PPA2: variants seen among roughly 807,000 people sequenced by gnomAD.
The protein encoded by PPA2 is inorganic pyrophosphatase 2, also known as inorganic pyrophosphatase 2, mitochondrial.
A neutral mutation model predicts 49.5 loss-of-function variants in PPA2; 48 were observed. That is an observed-to-expected ratio of 0.97 (90% CI 0.77 to 1.23). PPA2 has a LOEUF of 1.23. Ranked by LOEUF, PPA2 falls within the 50% of genes most tolerant of loss-of-function variation. The pLI, the probability that PPA2 is intolerant of heterozygous loss-of-function variation, is 0.00. For missense variants in PPA2, 429 were observed against 410.1 expected (o/e 1.05, Z -0.40); for synonymous variants, 131 against 139.9 (o/e 0.94, Z 0.45).
intron 7 of PPA2, chr4:105,423,430 A>C (rs1443521421): frequency 6.6e-6 from 1 of 152,212 alleles, no homozygotes; most frequent in Non-Finnish European, 1.5e-5. Flanking sequence ...AATTGGTCAA[A>C]GAATAATAAT....
intron 10 of PPA2, among the ~76,000 whole-genome samples, chr4:105,372,795 A>C (rs1000152489): frequency 6.6e-6 from 1 of 152,238 alleles, no homozygotes; most frequent in East Asian, 1.9e-4. Flanking sequence ...CCAATTCCTT[A>C]TAATAAATCT....
intron 5 of PPA2, among the ~76,000 whole-genome samples, chr4:105,443,135 T>C (rs928922480): frequency 1.3e-5 from 2 of 151,882 alleles, no homozygotes; most frequent in Admixed American, 6.6e-5. Context: ...AAAAGGGAAA[T>C]AAAGTATGAG....
intron 7 of PPA2, among the ~76,000 whole-genome samples, chr4:105,416,758 G>A (rs757514796): frequency 3.9e-5 from 6 of 152,098 alleles, no homozygotes; most frequent in South Asian, 2.1e-4. Context: ...GCATATCTAC[G>A]TTTAACATTC....
In PPA2 at chr4:105,384,818, T is replaced by G. The variant is rs913626145; in HGVS notation, c.939+1749A>C. 2.6e-5 allele frequency among the ~76,000 whole-genome samples: 4 copies of G among 152,144 alleles called. No homozygotes were observed. The South Asian group carries it at 8.3e-4, about 31-fold the overall frequency. On this transcript the variant is annotated intron_variant, in intron 10 of 11. Transcript: ENST00000341695. ...TAAAATCAAAGTCAGATTAGACCAC[T>G]CCTTTGCTGAAAATATTTTAATGGT...
intron 9 of PPA2, among the ~76,000 whole-genome samples, chr4:105,387,098 T>C (rs756181970): frequency 3.9e-5 from 6 of 152,164 alleles, no homozygotes; most frequent in Non-Finnish European, 8.8e-5. Context: ...TATATGAATG[T>C]AAAGTTTGTT....
chr4:105,438,895 T>G (rs992426334), intron 5 of PPA2, among the ~76,000 whole-genome samples: 3 of 152,138 alleles, frequency 2.0e-5, no homozygotes, highest in Non-Finnish European at 4.4e-5. Context: ...TTTCCTTTAA[T>G]TTTATATAGA....
intron 6 of PPA2, among the ~76,000 whole-genome samples, chr4:105,433,043 T>G (rs1723884227): frequency 6.6e-6 from 1 of 152,218 alleles, no homozygotes; most frequent in African/African-American, 2.4e-5. Context: ...AAATAATGGT[T>G]TATAGACTAG....
chr4:105,438,363 T>G (rs532632061), intron 5 of PPA2, among the ~76,000 whole-genome samples: 1 of 152,366 alleles, frequency 6.6e-6, no homozygotes, highest in East Asian at 1.9e-4. Flanking sequence ...TCCCACTGTC[T>G]GTGCCCTTGT....
At chr4:105,455,232 G>C (rs1452300167) in intron 2 of PPA2, among the ~76,000 whole-genome samples, 1 of 151,000 alleles carries the variant, frequency 6.6e-6, no homozygotes, top group African/African-American at 2.5e-5. Context: ...TTAGCCAAAA[G>C]CAAAGAAAAG....
At chr4:105,410,082 T>C (rs1056218226) in intron 7 of PPA2, among the ~76,000 whole-genome samples, 3 of 152,184 alleles carry the variant, frequency 2.0e-5, no homozygotes, top group Non-Finnish European at 4.4e-5. Flanking sequence ...TGGACAGAAG[T>C]AGGCTTCAGA....
At chr4:105,399,005 G>A (rs201250792) in intron 8 of PPA2, 32 bp downstream of exon 8, 60 of 1,595,002 alleles carry the variant, frequency 3.8e-5, no homozygotes, top group Non-Finnish European at 4.7e-5. Flanking sequence ...GTATCAGGAG[G>A]TACATTTTAA....
chr4:105,457,429 A>G (rs1481928664), intron 1 of PPA2, among the ~76,000 whole-genome samples: 1 of 152,224 alleles, frequency 6.6e-6, no homozygotes, highest in Non-Finnish European at 1.5e-5. Flanking sequence ...AGAGCCCTAC[A>G]AAATTTTCAC....
intron 9 of PPA2, among the ~76,000 whole-genome samples, chr4:105,392,186 A>C (rs931611104): frequency 6.6e-6 from 1 of 152,168 alleles, no homozygotes; most frequent in Non-Finnish European, 1.5e-5. Context: ...CTTAGGTAAG[A>C]CTAGAAATTA....
At chr4:105,389,753 A>G (rs1733831875) in intron 9 of PPA2, among the ~76,000 whole-genome samples, 1 of 152,210 alleles carries the variant, frequency 6.6e-6, no homozygotes, top group Admixed American at 6.5e-5. Context: ...CCTCAAAGAC[A>G]GTGTTCAGGA....
intron 10 of PPA2, among the ~76,000 whole-genome samples, chr4:105,371,173 C>A (rs974040521): frequency 1.3e-5 from 2 of 152,126 alleles, no homozygotes; most frequent in African/African-American, 4.8e-5. Flanking sequence ...ATGGCTTCCG[C>A]AGCTAATGTC....
At chr4:105,461,220 G>A (rs533146917) in intron 1 of PPA2, among the ~76,000 whole-genome samples, 5 of 152,296 alleles carry the variant, frequency 3.3e-5, no homozygotes, top group Middle Eastern at 3.4e-3. Flanking sequence ...CTCATAAAGG[G>A]CTGCAACCTG....
chr4:105,396,846 G>A (rs1418960205), intron 8 of PPA2, among the ~76,000 whole-genome samples: 1 of 152,144 alleles, frequency 6.6e-6, no homozygotes, highest in Non-Finnish European at 1.5e-5. Flanking sequence ...GCTTAACCCA[G>A]TACCCGGCTT....
chr4:105,409,947 A>G (rs1482443808), intron 7 of PPA2, among the ~76,000 whole-genome samples: 1 of 152,210 alleles, frequency 6.6e-6, no homozygotes, highest in Non-Finnish European at 1.5e-5. Context: ...AAAACCACAA[A>G]GATGGGGAGA....
At chr4:105,460,325 C>T (rs1001089287) in intron 1 of PPA2, among the ~76,000 whole-genome samples, 1 of 151,896 alleles carries the variant, frequency 6.6e-6, no homozygotes, top group African/African-American at 2.4e-5. Flanking sequence ...GGTTTCTTTC[C>T]ACCCTCCCCC....
Sources: gnomAD v4.1 joint callset for allele counts (sites outside exome capture counted in the v4.1 genomes callset) on GRCh38, gnomAD v4.1.1 for gene constraint, MANE v1.5 for transcripts, NCBI Gene and HGNC (gene_info 2026-07-23, HGNC 2026-07-21) for gene names.